Variants in EIF2S1 observed in about 807,000 individuals in gnomAD.
EIF2S1 encodes eukaryotic translation initiation factor 2 subunit alpha.
A neutral mutation model predicts 33.5 loss-of-function variants in EIF2S1; 5 were observed. The observed-to-expected ratio is 0.15, with a 90% CI of 0.08 to 0.31. The LOEUF (loss-of-function observed/expected upper bound fraction) is 0.31. EIF2S1 is among the 10% of genes least tolerant of loss of function. The pLI is 1.00. For missense variants in EIF2S1, 191 were observed against 384.6 expected, an observed-to-expected ratio of 0.50 and a Z score of 4.21; for synonymous variants, 99 against 127.5, an observed-to-expected ratio of 0.78 and a Z score of 1.51.
At chr14:67,363,442 A>G (rs900749075) in intron 1 of EIF2S1, among the ~76,000 whole-genome samples, 16 of 152,156 alleles carry the variant, frequency 1.1e-4, no homozygotes, top group Non-Finnish European at 2.1e-4. Context: ...CTGGCACTGA[A>G]TATATATTAA....
At position 67,360,347 on chromosome 14, in the gene EIF2S1, A is replaced by G; in HGVS notation, c.-111A>G. 1 of 397,494 alleles carries G rather than the reference A, an allele frequency of 2.5e-6. No individual in the cohort carries two copies. Among genetic ancestry groups the G allele is most frequent in the Non-Finnish European group, 4.4e-6 (1 of 225,584 alleles). The allele number at this position is 397,494 out of a possible 1,614,324, so 24.6% of individuals were successfully genotyped here. A position where few individuals can be genotyped will look rare whatever the true frequency, so the allele number is the denominator to read the frequency against. The stretch of plus-strand genomic sequence containing the variant: ...TTCCGCATGCGCGGTGGAGTGAGCG[A>G]AGCGCACGCTGAGGAGGATCGGCGG... On this transcript the variant is annotated 5_prime_UTR_variant, in exon 1 of 8. Transcript: ENST00000256383.
Position 67,384,524 on chromosome 14 carries a change from T to C in EIF2S1, c.*1084T>C, listed in dbSNP as rs1032552429. 4 of 152,162 alleles carry C rather than the reference T, an allele frequency of 2.6e-5. No individual in the cohort carries two copies. The highest frequency in any genetic ancestry group is 9.7e-5 in the African/African-American group (4 of 41,444). The allele number at this position is 152,162 out of a possible 1,614,324, so 9.4% of individuals were successfully genotyped here. On this transcript the variant is annotated 3_prime_UTR_variant, in exon 8 of 8. Transcript: ENST00000256383. ...GGTCTGCTTGTCTTCATAAATTTAT[T>C]CTCTTATGATACTTGAGGTACCAGT...
At chr14:67,361,634 G>A (rs1339755665) in intron 1 of EIF2S1, among the ~76,000 whole-genome samples, 3 of 152,314 alleles carry the variant, frequency 2.0e-5, no homozygotes, top group East Asian at 1.9e-4. Flanking sequence ...TGAGAAAGAA[G>A]TCCTACCTAC....
intron 4 of EIF2S1, among the ~76,000 whole-genome samples, chr14:67,378,843 C>A (rs2085871399): frequency 1.3e-5 from 2 of 152,142 alleles, no homozygotes; most frequent in South Asian, 4.1e-4. Flanking sequence ...AATGTTTTAC[C>A]TTTCCAGACC....
intron 2 of EIF2S1, among the ~76,000 whole-genome samples, chr14:67,371,728 A>AAGAT (rs1477079105): frequency 6.6e-6 from 1 of 152,192 alleles, no homozygotes; most frequent in East Asian, 1.9e-4. Context: ...CACTGCTGCT[A>AAGAT]TATATGCAAT....
chr14:67,385,599 AAATT>A lies in EIF2S1; in HGVS notation c.*2164_*2167del, dbSNP rs1237133272. On this transcript the variant is annotated 3_prime_UTR_variant, in exon 8 of 8. Coordinates refer to ENST00000256383, the MANE Select transcript of EIF2S1 (RefSeq NM_004094.5). ...GATAGTTTGGGTCTCATTTATGCAT[AAATT>A]AATTGAAAATCAGTAATGGCCAGGA... 1.3e-5 allele frequency: 2 copies of A among 152,022 alleles called. No homozygotes were observed. The highest frequency in any genetic ancestry group is 2.9e-5 in the Non-Finnish European group (2 of 67,990). 9.4% of individuals were successfully genotyped at this position (152,022 alleles called of 1,614,324 possible).
rs1392562426 is a variant in EIF2S1, at chr14:67,374,462, G to A, written c.242-6G>A. Reference sequence around the variant, plus strand: ...GAGATGATTTTTTCACAATTTTTTTGTACAGGATATATTGATTTGTCAAAA... The same window carrying A: ...GAGATGATTTTTTCACAATTTTTTTATACAGGATATATTGATTTGTCAAAA... On this transcript the variant is annotated splice_region_variant and splice_polypyrimidine_tract_variant and intron_variant, in intron 2 of 7. Transcript: ENST00000256383. 6.3e-7 allele frequency: 1 copy of A among 1,584,620 alleles called. No individual in the cohort carries two copies. The highest frequency in any genetic ancestry group is 8.6e-7 in the Non-Finnish European group (1 of 1,160,818).
At chr14:67,381,930 C>T (rs1356755897) in intron 6 of EIF2S1, among the ~76,000 whole-genome samples, 8 of 152,024 alleles carry the variant, frequency 5.3e-5, no homozygotes, top group Non-Finnish European at 1.0e-4. Flanking sequence ...AGAAAGCCAG[C>T]GATGCCAAAC....
At chr14:67,369,606 G>A (rs1595645562) in intron 2 of EIF2S1, among the ~76,000 whole-genome samples, 1 of 152,232 alleles carries the variant, frequency 6.6e-6, no homozygotes, top group South Asian at 2.1e-4. Context: ...ATTTCTAAGG[G>A]TTGGAATACA....
intron 1 of EIF2S1, among the ~76,000 whole-genome samples, chr14:67,362,485 G>A (rs1198998292): frequency 6.6e-6 from 1 of 152,092 alleles, no homozygotes; most frequent in Non-Finnish European, 1.5e-5. Flanking sequence ...ACGTATACAT[G>A]TGATACCCTC....
At position 67,379,654 on chromosome 14, in the gene EIF2S1, CTTTTTTTT is replaced by C. The variant is rs541791101; in HGVS notation, c.474-994_474-987del. On this transcript the variant is annotated intron_variant, in intron 4 of 7. Transcript: ENST00000256383. ...GACATAACTTTCTTTTTTTCTTTTT[CTTTTTTTT>C]TTTTTTTTTTGAGACGGAGTCTCGC... is the stretch of plus-strand genomic sequence containing the variant. Among the ~76,000 whole-genome samples the C allele has an allele frequency of 1.4e-4, 17 of 119,952 alleles. 1 individual carries two copies. Among genetic ancestry groups the C allele is most frequent in the South Asian group, 5.9e-4 (2 of 3,376 alleles). The allele number at this position is 119,952 out of a possible 152,430, so 78.7% of individuals were successfully genotyped here.
chr14:67,381,081 G>A (rs1021905392), intron 5 of EIF2S1, among the ~76,000 whole-genome samples: 5 of 152,114 alleles, frequency 3.3e-5, no homozygotes, highest in Admixed American at 2.0e-4. Flanking sequence ...GACATACCAT[G>A]CGGAATTTTC....
rs1484938950 is a variant in EIF2S1 at position 67,385,092 on chromosome 14, A to G, written c.*1652A>G. 2.0e-5 allele frequency: 3 copies of G among 152,290 alleles called. No homozygotes were observed. Among genetic ancestry groups the G allele is most frequent in the African/African-American group, 4.8e-5 (2 of 41,558 alleles). The allele number at this position is 152,290 out of a possible 1,614,324, so 9.4% of individuals were successfully genotyped here. A position where few individuals can be genotyped will look rare whatever the true frequency, so the allele number is the denominator to read the frequency against. On this transcript the variant is annotated 3_prime_UTR_variant, in exon 8 of 8. Coordinates refer to ENST00000256383, the MANE Select transcript of EIF2S1 (RefSeq NM_004094.5). The stretch of plus-strand genomic sequence containing the variant: ...CCACGTGGGCCTTTTGCTCAGTTCC[A>G]TGGCAATTTTGTAAATTGACCCTAG...
intron 2 of EIF2S1, among the ~76,000 whole-genome samples, chr14:67,371,650 A>G (rs569956020): frequency 2.0e-5 from 3 of 152,312 alleles, no homozygotes; most frequent in Admixed American, 2.0e-4. Flanking sequence ...TTGTAACACA[A>G]TGGTAAATAT....
chr14:67,383,556 C>A lies in EIF2S1; in HGVS notation c.*116C>A. ...CTTCAAAGCTGAATATTTTTTATTT[C>A]TAAGTATTTAAATGTTCTAACAGAT... is the stretch of plus-strand genomic sequence containing the variant. On this transcript the variant is annotated 3_prime_UTR_variant, in exon 8 of 8. Transcript: ENST00000256383. The A allele has an allele frequency of 7.0e-7, 1 of 1,426,574 alleles. No individual in the cohort carries two copies. The allele number at this position is 1,426,574 out of a possible 1,614,324, so 88.4% of individuals were successfully genotyped here. A position where few individuals can be genotyped will look rare whatever the true frequency, so the allele number is the denominator to read the frequency against.
chr14:67,386,177 A>C lies in EIF2S1; in HGVS notation c.*2737A>C, dbSNP rs1188618613. 6.6e-6 allele frequency: 1 copy of C among 152,662 alleles called. No homozygotes were observed. Among genetic ancestry groups the C allele is most frequent in the East Asian group, 1.9e-4 (1 of 5,198 alleles). The allele number at this position is 152,662 out of a possible 1,614,324, so 9.5% of individuals were successfully genotyped here. On this transcript the variant is annotated 3_prime_UTR_variant, in exon 8 of 8. Coordinates refer to ENST00000256383, the MANE Select transcript of EIF2S1 (RefSeq NM_004094.5). The stretch of plus-strand genomic sequence containing the variant: ...TTCAAAAGGCAAAACAAAAAAACTA[A>C]TTCCAGGGACATTAGACCTTGGTGA...
At chr14:67,374,865 A>G (rs1372543690) in intron 3 of EIF2S1, among the ~76,000 whole-genome samples, 1 of 152,134 alleles carries the variant, frequency 6.6e-6, no homozygotes, top group African/African-American at 2.4e-5. Flanking sequence ...CAGCCCTCCA[A>G]AGTGCTGGGA....
chr14:67,376,448 A>G lies in EIF2S1; in HGVS notation c.331A>G (p.Ile111Val). 3 of 1,608,028 alleles carry G rather than the reference A, an allele frequency of 1.9e-6. No individual in the cohort carries two copies. Among genetic ancestry groups the G allele is most frequent in the Non-Finnish European group, 2.5e-6 (3 of 1,177,198 alleles). Reference protein sequence around the residue: ...KFTKSKTVYSILRHVAEVLEY... With the variant: ...KFTKSKTVYSVLRHVAEVLEY... Reference sequence around the variant, plus strand: ...TTCATTTTATTTCTAGGTTTATAGCATTCTTCGTCATGTTGCTGAGGTGTT... The same window carrying G: ...TTCATTTTATTTCTAGGTTTATAGCGTTCTTCGTCATGTTGCTGAGGTGTT... Residue 111 changes from isoleucine (I) to valine (V), a missense_variant, in exon 4 of 8, where the codon ATT (isoleucine) becomes GTT (valine). Ile to Val is a conservative substitution (Grantham distance 29). Coordinates refer to ENST00000256383, the MANE Select transcript of EIF2S1 (RefSeq NM_004094.5).
chr14:67,380,140 C>A (rs1027751319), intron 4 of EIF2S1, among the ~76,000 whole-genome samples: 1 of 152,100 alleles, frequency 6.6e-6, no homozygotes, highest in African/African-American at 2.4e-5. Flanking sequence ...TTCATATTTT[C>A]ATTTGCTCAC....
Sources: allele counts gnomAD v4.1 joint callset (sites outside exome capture counted in the v4.1 genomes callset), GRCh38; gene constraint gnomAD v4.1.1; transcripts MANE v1.5; gene names NCBI Gene and HGNC (gene_info 2026-07-23, HGNC 2026-07-21).